ADGRV1: variants seen among roughly 807,000 people sequenced by gnomAD.
The protein encoded by ADGRV1 is adhesion G protein-coupled receptor V1, also known as G-protein coupled receptor 98.
In ADGRV1, 359 loss-of-function variants were observed where a neutral mutation model predicts 596.2. The observed-to-expected ratio is 0.60, with a 90% confidence interval of 0.55 to 0.66. The LOEUF (loss-of-function observed/expected upper bound fraction) is 0.66. ADGRV1 is among the 30% of genes least tolerant of loss of function. ADGRV1 has a pLI of 0.00. For missense variants in ADGRV1, 7,274 were observed against 7,575.6 expected (o/e 0.96, Z 1.48); for synonymous variants, 2,681 against 2,679.2 (o/e 1.00, Z -0.02).
At chr5:91,081,006 T>C (rs776039596) in intron 86 of ADGRV1, among the ~76,000 whole-genome samples, 7 of 152,142 alleles carry the variant, frequency 4.6e-5, no homozygotes, top group Non-Finnish European at 8.8e-5. Context: ...CAGGCTGCCA[T>C]ACAAAATACC....
chr5:91,036,343 A>C (rs1317032593), intron 85 of ADGRV1, among the ~76,000 whole-genome samples: 1 of 152,058 alleles, frequency 6.6e-6, no homozygotes, highest in Non-Finnish European at 1.5e-5. Flanking sequence ...GCGGATCACT[A>C]GGTCAGGAGA....
At chr5:90,939,041 A>C (rs971547649) in intron 83 of ADGRV1, among the ~76,000 whole-genome samples, 1 of 152,192 alleles carries the variant, frequency 6.6e-6, no homozygotes, top group African/African-American at 2.4e-5. Context: ...ATTTAAGATA[A>C]AATAAGCACA....
chr5:90,884,755 G>A (rs554598034), intron 83 of ADGRV1, among the ~76,000 whole-genome samples: 6 of 152,122 alleles, frequency 3.9e-5, no homozygotes, highest in East Asian at 3.9e-4. Context: ...CACAATAATC[G>A]TCTTGATTTA....
intron 83 of ADGRV1, among the ~76,000 whole-genome samples, chr5:90,918,712 A>C (rs1283594009): frequency 6.6e-6 from 1 of 152,228 alleles, no homozygotes; most frequent in Admixed American, 6.5e-5. Context: ...TGTCTTGCAT[A>C]TGATAGGCTT....
chr5:90,680,480 A>G (rs10214305), intron 26 of ADGRV1, among the ~76,000 whole-genome samples: 2,841 of 152,340 alleles, frequency 0.019, 78 homozygotes, highest in African/African-American at 0.065. Context: ...AGATTTATAT[A>G]CAAACATGAT....
intron 60 of ADGRV1, among the ~76,000 whole-genome samples, chr5:90,774,985 A>G (rs1320960352): frequency 6.6e-6 from 1 of 152,212 alleles, no homozygotes; most frequent in African/African-American, 2.4e-5. Flanking sequence ...ATATTTTGAC[A>G]CTTCAGAAAC....
intron 84 of ADGRV1, among the ~76,000 whole-genome samples, chr5:90,985,087 T>C (rs979910184): frequency 6.6e-6 from 1 of 152,172 alleles, no homozygotes; most frequent in Non-Finnish European, 1.5e-5. Context: ...TCAGAGCAAA[T>C]TAAGGCAAAT....
intron 83 of ADGRV1, among the ~76,000 whole-genome samples, chr5:90,913,270 C>T (rs1773058828): frequency 6.6e-6 from 1 of 152,174 alleles, no homozygotes; most frequent in African/African-American, 2.4e-5. Context: ...GTCACCTCTT[C>T]CCATAGCAGC....
At chr5:90,644,646 CTCA>C in intron 14 of ADGRV1, 57 bp from the exon 15 acceptor site, 1 of 1,305,046 alleles carries the variant, frequency 7.7e-7, no homozygotes, top group Non-Finnish European at 1.1e-6. Context: ...GATTTCTTTA[CTCA>C]TCATTTTAAA....
intron 4 of ADGRV1, among the ~76,000 whole-genome samples, chr5:90,619,676 A>T (rs1349955869): frequency 6.6e-6 from 1 of 151,864 alleles, no homozygotes; most frequent in African/African-American, 2.4e-5. Flanking sequence ...ATGTATACAT[A>T]TGCCATGCTG....
chr5:90,746,829 A>G (rs924674857), intron 52 of ADGRV1, among the ~76,000 whole-genome samples: 2 of 152,216 alleles, frequency 1.3e-5, no homozygotes, highest in African/African-American at 4.8e-5. Context: ...TCATTAATTC[A>G]TGCAGCAGTT....
chr5:91,079,510 G>T (rs1460737150), intron 86 of ADGRV1, among the ~76,000 whole-genome samples: 3 of 152,198 alleles, frequency 2.0e-5, no homozygotes, highest in African/African-American at 7.2e-5. Context: ...CTTAGGATTT[G>T]ATACTGCTCA....
rs779851711 is a variant in ADGRV1 at position 90,627,755 on chromosome 5, T to G, written c.1217T>G (p.Ile406Ser). The change falls in exon 7 of 90, where the codon ATT becomes AGT. Residue 406 changes from isoleucine to serine, a missense_variant. Coordinates refer to ENST00000405460, the MANE Select transcript of ADGRV1 (RefSeq NM_032119.4). Reference sequence around the variant, plus strand: ...GTTTTGTTTGAAAGGACAGTTATAATTGATGAAGATAGAATATCAAGGTAT... The same window carrying G: ...GTTTTGTTTGAAAGGACAGTTATAAGTGATGAAGATAGAATATCAAGGTAT... ...NSVLFERTVI[I>S]DEDRISRYEE... 2.6e-6 allele frequency: 4 copies of G among 1,543,784 alleles called. No individual in the cohort carries two copies. Among genetic ancestry groups the G allele is most frequent in the Non-Finnish European group, 3.5e-6 (4 of 1,142,422 alleles).
At chr5:91,131,624 A>G (rs952398571) in intron 87 of ADGRV1, among the ~76,000 whole-genome samples, 20 of 151,716 alleles carry the variant, frequency 1.3e-4, no homozygotes, top group African/African-American at 4.6e-4. Context: ...CCTTTGTGCA[A>G]TTTTTAATGG....
intron 40 of ADGRV1, 58 bp from the exon 41 acceptor site, chr5:90,711,126 G>A (rs1265670604): frequency 1.1e-5 from 18 of 1,579,726 alleles, no homozygotes; most frequent in Non-Finnish European, 1.5e-5. Flanking sequence ...CCAAATAAAA[G>A]TTTCTAAGGG....
rs5869513 is a variant in ADGRV1 at position 90,662,187 on chromosome 5, C to CTTTTTTT, written c.4752+3923_4752+3929dup. Among the ~76,000 whole-genome samples the CTTTTTTT allele has an allele frequency of 6.9e-5, 9 of 130,860 alleles. 2 individuals carry two copies. Among genetic ancestry groups the CTTTTTTT allele is most frequent in the African/African-American group, 8.8e-5 (3 of 34,282 alleles). 85.8% of individuals were successfully genotyped at this position (130,860 alleles called of 152,430 possible). On this transcript the variant is annotated intron_variant, in intron 21 of 89. Transcript: ENST00000405460. ...TGTTTAATCATTTTTGGTTAAACAA[C>CTTTTTTT]TTTTTTTTTTTTTTTTTTTTGAGAC...
At chr5:90,916,693 C>T (rs1250983273) in intron 83 of ADGRV1, among the ~76,000 whole-genome samples, 1 of 130,720 alleles carries the variant, frequency 7.6e-6, no homozygotes, top group African/African-American at 2.9e-5. Flanking sequence ...AGTGCAGTGG[C>T]GGGATCTCGG....
chr5:91,160,766 G>A (rs1000779376), intron 89 of ADGRV1, among the ~76,000 whole-genome samples: 2 of 152,030 alleles, frequency 1.3e-5, no homozygotes, highest in Non-Finnish European at 2.9e-5. Flanking sequence ...CCCAGGTCTC[G>A]GCATGTTATA....
At chr5:91,065,371 C>T (rs537491163) in intron 85 of ADGRV1, among the ~76,000 whole-genome samples, 28 of 152,348 alleles carry the variant, frequency 1.8e-4, no homozygotes, top group African/African-American at 6.5e-4. Flanking sequence ...CATTTATTGT[C>T]CTTTCACTAC....
Sources: allele counts gnomAD v4.1 joint callset (sites outside exome capture counted in the v4.1 genomes callset), GRCh38; gene constraint gnomAD v4.1.1; transcripts MANE v1.5; gene names NCBI Gene and HGNC (gene_info 2026-07-23, HGNC 2026-07-21).